Variants in PM20D2 observed in about 807,000 individuals in gnomAD.
The protein encoded by PM20D2 is xaa-Arg dipeptidase.
Under a neutral mutation model 42.9 loss-of-function variants are expected in PM20D2, and 33 were observed. The ratio of observed to expected loss-of-function variants is 0.77; its 90% CI spans 0.58 to 1.03. The LOEUF (loss-of-function observed/expected upper bound fraction) is 1.03. PM20D2 is among the 50% of genes least tolerant of loss of function. The probability of loss-of-function intolerance (pLI) is 0.00; values close to 1 mark genes in which losing one functional copy is unlikely to be tolerated. For synonymous variants in PM20D2, 250 were observed against 228.2 expected (o/e 1.10, Z -0.86); for missense variants, 548 against 557.0 (o/e 0.98, Z 0.16).
At chr6:89,162,009 G>C in intron 6 of PM20D2, 100 bp from the exon 7 acceptor site, 1 of 1,488,216 alleles carries the variant, frequency 6.7e-7, no homozygotes, top group South Asian at 1.2e-5. Context: ...CTGCACTGTG[G>C]TGGGCAGTTG....
the PM20D2 span, among the ~76,000 whole-genome samples, chr6:89,135,657 T>C: frequency 6.6e-6 from 1 of 151,314 alleles, no homozygotes; most frequent in South Asian, 2.1e-4. Context: ...ACTGCTAAGT[T>C]TGTACCCTAT....
the PM20D2 span, among the ~76,000 whole-genome samples, chr6:89,126,625 G>T: frequency 4.8e-5 from 7 of 145,794 alleles, no homozygotes; most frequent in Non-Finnish European, 8.9e-5. Flanking sequence ...AGCTGAGATT[G>T]CGCCACTGCA....
At chr6:89,134,047 C>T in the PM20D2 span, among the ~76,000 whole-genome samples, 1 of 151,248 alleles carries the variant, frequency 6.6e-6, no homozygotes, top group African/African-American at 2.5e-5. Flanking sequence ...CCTGTCAGTC[C>T]GGCTGAGGGT....
the PM20D2 span, chr6:89,105,218 G>A: frequency 3.1e-6 from 5 of 1,611,606 alleles, no homozygotes; most frequent in Non-Finnish European, 4.2e-6. Context: ...GTGATCACTT[G>A]GAGAACAAGG....
At chr6:89,108,446 G>A in the PM20D2 span, among the ~76,000 whole-genome samples, 2 of 152,190 alleles carry the variant, frequency 1.3e-5, no homozygotes, top group African/African-American at 4.8e-5. Flanking sequence ...TAAGCTCACT[G>A]AGCCAGCAAG....
the PM20D2 span, among the ~76,000 whole-genome samples, chr6:89,120,215 G>C: frequency 1.3e-5 from 2 of 152,156 alleles, no homozygotes; most frequent in Non-Finnish European, 1.5e-5. Flanking sequence ...TGAAATTTGG[G>C]TGGGGACAGA....
chr6:89,112,066 GGCGTGAT>G, the PM20D2 span, among the ~76,000 whole-genome samples: 1 of 151,862 alleles, frequency 6.6e-6, no homozygotes, highest in East Asian at 1.9e-4. Flanking sequence ...GGAGTGCAAG[GGCGTGAT>G]CTCGGCTCAC....
the PM20D2 span, among the ~76,000 whole-genome samples, chr6:89,127,364 C>T: frequency 6.7e-6 from 1 of 148,354 alleles, no homozygotes; most frequent in South Asian, 2.1e-4. Context: ...GAGTGTCACT[C>T]TCTTGCCCAG....
chr6:89,124,426 T>G, the PM20D2 span, among the ~76,000 whole-genome samples: 9 of 152,280 alleles, frequency 5.9e-5, no homozygotes, highest in East Asian at 1.4e-3. Context: ...CGTATGTAAA[T>G]AAGTCATTAT....
At chr6:89,137,792 T>C in the PM20D2 span, among the ~76,000 whole-genome samples, 1 of 152,214 alleles carries the variant, frequency 6.6e-6, no homozygotes, top group Non-Finnish European at 1.5e-5. Context: ...TCTTTTTTTC[T>C]CTCTTTCCTT....
At chr6:89,150,287 A>G (rs1214208007) in intron 2 of PM20D2, among the ~76,000 whole-genome samples, 2 of 152,220 alleles carry the variant, frequency 1.3e-5, no homozygotes, top group African/African-American at 4.8e-5. Flanking sequence ...TGGCAGTAGG[A>G]GGAATCTTTG....
the PM20D2 span, among the ~76,000 whole-genome samples, chr6:89,136,016 A>G: frequency 6.6e-6 from 1 of 151,214 alleles, no homozygotes; most frequent in African/African-American, 2.5e-5. Context: ...GTAAGTTGCC[A>G]TGTGGGCAAT....
At chr6:89,116,544 C>A in the PM20D2 span, among the ~76,000 whole-genome samples, 1 of 152,012 alleles carries the variant, frequency 6.6e-6, no homozygotes, top group Admixed American at 6.6e-5. Context: ...GGAGGCCGAG[C>A]TGGGCGGATC....
At chr6:89,141,626 A>G (rs1387768192), upstream of PM20D2, among the ~76,000 whole-genome samples, 1 of 152,286 alleles carries the variant, frequency 6.6e-6, no homozygotes, top group Middle Eastern at 3.4e-3. Context: ...TCGGCCTCCC[A>G]AAGTGCTGGG....
chr6:89,137,064 CT>C, the PM20D2 span, among the ~76,000 whole-genome samples: 1 of 151,212 alleles, frequency 6.6e-6, no homozygotes, highest in East Asian at 1.9e-4. Flanking sequence ...ATAATTTCTC[CT>C]TTATACACAG....
chr6:89,116,374 G>A, the PM20D2 span, among the ~76,000 whole-genome samples: 1 of 152,120 alleles, frequency 6.6e-6, no homozygotes, highest in Non-Finnish European at 1.5e-5. Flanking sequence ...GTAATATATT[G>A]ATAAAAAGGC....
chr6:89,145,990 G>A (rs1770519247), upstream of PM20D2: 2 of 568,566 alleles, frequency 3.5e-6, no homozygotes, highest in East Asian at 3.6e-5. Flanking sequence ...GGCGCCGGGG[G>A]CGGCCCCGGG....
chr6:89,105,105 C>T, the PM20D2 span: 2 of 1,569,242 alleles, frequency 1.3e-6, no homozygotes, highest in South Asian at 2.3e-5. Flanking sequence ...AATTTTCAGT[C>T]CTCTTATACT....
Position 89,165,516 on chromosome 6 carries a change from GGT to G in PM20D2, c.*3254_*3255del, listed in dbSNP as rs1313697234. The G allele has an allele frequency of 1.3e-5, 2 of 152,026 alleles. No homozygotes were observed. Among genetic ancestry groups the G allele is most frequent in the African/African-American group, 4.8e-5 (2 of 41,414 alleles). The allele number at this position is 152,026 out of a possible 1,614,324, so 9.4% of individuals were successfully genotyped here. A position where few individuals can be genotyped will look rare whatever the true frequency, so the allele number is the denominator to read the frequency against. ...GATTATAAGCTTTTTTGTAATAATAGGTACATAAAATGTGTATGAAAAATCTA... is the reference window on the plus strand; with the variant it reads ...GATTATAAGCTTTTTTGTAATAATAGACATAAAATGTGTATGAAAAATCTA... On this transcript the variant is annotated 3_prime_UTR_variant, in exon 7 of 7. Transcript: ENST00000275072.
Sources: gnomAD v4.1 joint callset for allele counts (sites outside exome capture counted in the v4.1 genomes callset) on GRCh38, gnomAD v4.1.1 for gene constraint, MANE v1.5 for transcripts, NCBI Gene and HGNC (gene_info 2026-07-23, HGNC 2026-07-21) for gene names.